PDRG1: variants seen among roughly 807,000 people sequenced by gnomAD.
PDRG1 encodes p53 and DNA damage-regulated protein 1.
PDRG1 carries 14 observed loss-of-function variants against 18.4 expected under a neutral mutation model. The ratio of observed to expected loss-of-function variants is 0.76; its 90% CI spans 0.50 to 1.19. PDRG1 has a LOEUF of 1.19. PDRG1 is among the 50% of genes most tolerant of loss of function. The pLI, the probability that PDRG1 is intolerant of heterozygous loss-of-function variation, is 0.00. For missense variants in PDRG1, 177 were observed against 160.1 expected (o/e 1.11, Z -0.57); for synonymous variants, 65 against 60.9 (o/e 1.07, Z -0.31).
intron 1 of PDRG1, among the ~76,000 whole-genome samples, chr20:31,951,378 CA>C (rs2064350805): frequency 2.0e-5 from 3 of 152,184 alleles, no homozygotes; most frequent in Admixed American, 6.5e-5. Flanking sequence ...ACACAGCAGC[CA>C]GGGGGGATCC....
intron 1 of PDRG1, among the ~76,000 whole-genome samples, chr20:31,951,575 G>A (rs1314035099): frequency 6.6e-6 from 1 of 151,812 alleles, no homozygotes; most frequent in Non-Finnish European, 1.5e-5. Context: ...GCCTTTACAG[G>A]GCGGTGCCCC....
intron 3 of PDRG1, among the ~76,000 whole-genome samples, chr20:31,947,579 T>A (rs201902205): frequency 1.3e-5 from 2 of 152,214 alleles, no homozygotes; most frequent in East Asian, 3.8e-4. Context: ...AGGCTGGATA[T>A]AGCTTCCTGT....
At chr20:31,946,131 A>G in intron 4 of PDRG1, among the ~76,000 whole-genome samples, 1 of 152,046 alleles carries the variant, frequency 6.6e-6, no homozygotes. Flanking sequence ...CCTGTGACCA[A>G]TCTAGAGTGC....
At chr20:31,947,215 A>C (rs1441480173) in intron 3 of PDRG1, among the ~76,000 whole-genome samples, 1 of 152,188 alleles carries the variant, frequency 6.6e-6, no homozygotes, top group African/African-American at 2.4e-5. Flanking sequence ...CCACCTGCTC[A>C]TGAGTGACAT....
rs1019610899 is a variant in PDRG1, at chr20:31,950,411, G to A, written c.88-24C>T. 7.6e-6 allele frequency: 12 copies of A among 1,571,504 alleles called. No individual in the cohort carries two copies. The African/African-American group carries it at 9.5e-5, about 12-fold the overall frequency. ...ATCTGAAAACCACAGGGACAGGAGG[G>A]AACTCAGCTATCTCTTGCCCCAAGC... On this transcript the variant is annotated intron_variant, in intron 1 of 4. Transcript: ENST00000202017.
In PDRG1 at chr20:31,951,984, G is replaced by T. The variant is rs376125389; in HGVS notation, c.-23C>A. On this transcript the variant is annotated 5_prime_UTR_variant, in exon 1 of 5. Transcript: ENST00000202017. ...CATAGCGCCCACCAACTCCGCTTGC[G>T]GCTCTCGCGCGACCCCGGGATCTCC... 2.0e-6 allele frequency: 3 copies of T among 1,529,132 alleles called. No individual in the cohort carries two copies. Among genetic ancestry groups the T allele is most frequent in the African/African-American group, 2.8e-5 (2 of 70,476 alleles). 94.7% of individuals were successfully genotyped at this position (1,529,132 alleles called of 1,614,324 possible).
intron 2 of PDRG1, among the ~76,000 whole-genome samples, chr20:31,949,643 G>T (rs1051660775): frequency 1.3e-5 from 2 of 151,920 alleles, no homozygotes; most frequent in Non-Finnish European, 2.9e-5. Context: ...TGTTGGGGGT[G>T]GGGGGAGTAG....
At chr20:31,946,955 A>T (rs748341088) in intron 3 of PDRG1, among the ~76,000 whole-genome samples, 1 of 152,248 alleles carries the variant, frequency 6.6e-6, no homozygotes, top group African/African-American at 2.4e-5. Flanking sequence ...AGATGGCTGG[A>T]AAATGGATGC....
At chr20:31,949,856 T>C (rs1014263084) in intron 2 of PDRG1, among the ~76,000 whole-genome samples, 1 of 152,250 alleles carries the variant, frequency 6.6e-6, no homozygotes, top group Admixed American at 6.5e-5. Context: ...CAGCCATACT[T>C]ACTCCCCATT....
chr20:31,950,180 C>A, intron 2 of PDRG1, 132 bp downstream of exon 2: 1 of 743,952 alleles, frequency 1.3e-6, no homozygotes, highest in Non-Finnish European at 2.2e-6. Context: ...TCTCCCCGGA[C>A]TGTTTCAATT....
In PDRG1 at chr20:31,949,370, G is replaced by A. The variant is rs533082990; in HGVS notation, c.164-488C>T. Among the ~76,000 whole-genome samples the A allele has an allele frequency of 6.2e-4, 94 of 152,304 alleles. No individual in the cohort carries two copies. In the Middle Eastern group the frequency reaches 0.017, roughly 28 times the overall value. Reference sequence around the variant, plus strand: ...GTGGATCACTTGAGGCCAGGACCTCGAGACCGGCCTGGCCAACATGGCGAA... The same window carrying A: ...GTGGATCACTTGAGGCCAGGACCTCAAGACCGGCCTGGCCAACATGGCGAA... On this transcript the variant is annotated intron_variant, in intron 2 of 4. Coordinates refer to ENST00000202017, the MANE Select transcript of PDRG1 (RefSeq NM_030815.3).
rs540248117 is a variant in PDRG1, at chr20:31,949,810, G to C, written c.163+502C>G. On this transcript the variant is annotated intron_variant, in intron 2 of 4. Transcript: ENST00000202017. The stretch of plus-strand genomic sequence containing the variant: ...GTAAACTTCCTCCCTTAGCCCCCAA[G>C]ACCTTTCATTATGGCCTGGTCTCTG... 2.6e-5 allele frequency among the ~76,000 whole-genome samples: 4 copies of C among 152,172 alleles called. No individual in the cohort carries two copies. The East Asian group carries it at 5.8e-4, about 22-fold the overall frequency.
chr20:31,950,285 G>A (rs1361648494), intron 2 of PDRG1, 27 bp downstream of exon 2: 2 of 1,546,724 alleles, frequency 1.3e-6, no homozygotes, highest in Middle Eastern at 1.7e-4. Context: ...AGGCCTCCAG[G>A]GCTGCACTGA....
chr20:31,948,320 G>GCT (rs1402483212), intron 3 of PDRG1, among the ~76,000 whole-genome samples: 1 of 152,222 alleles, frequency 6.6e-6, no homozygotes, highest in Non-Finnish European at 1.5e-5. Context: ...AGAAGGCAAA[G>GCT]CTCTATGTGG....
chr20:31,945,820 A>AT lies in PDRG1; in HGVS notation c.388dup (p.Ile130AsnfsTer29). The AT allele has an allele frequency of 6.2e-7, 1 of 1,613,790 alleles. No individual in the cohort carries two copies. The highest frequency in any genetic ancestry group is 1.1e-5 in the South Asian group (1 of 91,046). Reference sequence around the variant, plus strand: ...GGTTCTTGAGTCTCATCCTTTCAAGATGACCTTGAGAGCTTTAAGCTCATC... The same window carrying AT: ...GGTTCTTGAGTCTCATCCTTTCAAGATTGACCTTGAGAGCTTTAAGCTCATC... On this transcript the variant is annotated frameshift_variant, in exon 5 of 5. Coordinates refer to ENST00000202017, the MANE Select transcript of PDRG1 (RefSeq NM_030815.3). LOFTEE classifies it high-confidence loss of function.
Position 31,945,739 on chromosome 20 carries a change from A to G in PDRG1, c.*68T>C. On this transcript the variant is annotated 3_prime_UTR_variant, in exon 5 of 5. Transcript: ENST00000202017. ...GCAGATCCTGTCCTTACAGGTGTCAAGGTTGGAGGGTCCTGGGTCCTCCAT... is the reference window on the plus strand; with the variant it reads ...GCAGATCCTGTCCTTACAGGTGTCAGGGTTGGAGGGTCCTGGGTCCTCCAT... The G allele has an allele frequency of 7.6e-7, 1 of 1,319,480 alleles. No individual in the cohort carries two copies. Among genetic ancestry groups the G allele is most frequent in the Non-Finnish European group, 1.1e-6 (1 of 929,644 alleles). The allele number at this position is 1,319,480 out of a possible 1,614,324, so 81.7% of individuals were successfully genotyped here.
chr20:31,949,779 C>G (rs1238591582), intron 2 of PDRG1, among the ~76,000 whole-genome samples: 1 of 152,128 alleles, frequency 6.6e-6, no homozygotes, highest in African/African-American at 2.4e-5. Flanking sequence ...GTACTTTCAA[C>G]AAAATGTAAA....
rs1224067047 is a variant in PDRG1 at position 31,948,780 on chromosome 20, C to A, written c.238+28G>T. The A allele has an allele frequency of 1.9e-6, 3 of 1,603,206 alleles. No homozygotes were observed. In the East Asian group the frequency reaches 6.7e-5, roughly 36 times the overall value. On this transcript the variant is annotated intron_variant, in intron 3 of 4. Transcript: ENST00000202017. ...CAAAGCTGGTGGGAGAGGCAGCACACCCCTGACCCATCCCCAGGAGGCCTT... is the reference window on the plus strand; with the variant it reads ...CAAAGCTGGTGGGAGAGGCAGCACAACCCTGACCCATCCCCAGGAGGCCTT...
intron 2 of PDRG1, 48 bp downstream of exon 2, chr20:31,950,264 G>C (rs550341207): frequency 1.4e-6 from 2 of 1,422,244 alleles, no homozygotes; most frequent in South Asian, 1.2e-5. Context: ...GGCCTTAAAG[G>C]AAAACGGAAC....
Sources: gnomAD v4.1 joint callset for allele counts (sites outside exome capture counted in the v4.1 genomes callset) on GRCh38, gnomAD v4.1.1 for gene constraint, MANE v1.5 for transcripts, NCBI Gene and HGNC (gene_info 2026-07-23, HGNC 2026-07-21) for gene names.